GLYATL1: variants seen among roughly 807,000 people sequenced by gnomAD.
GLYATL1 encodes the protein glycine-N-acyltransferase like 1.
A neutral mutation model predicts 20.0 loss-of-function variants in GLYATL1; 15 were observed. The observed-to-expected ratio is 0.75, with a 90% CI of 0.50 to 1.15. The LOEUF (loss-of-function observed/expected upper bound fraction) is 1.15, where lower values mean the gene tolerates loss of function less well. Among genes scored for constraint, GLYATL1 ranks in the 50% most tolerant of loss-of-function variants. The probability of loss-of-function intolerance (pLI) is 0.00; values close to 1 mark genes in which losing one functional copy is unlikely to be tolerated. For missense variants in GLYATL1, 380 were observed against 368.5 expected (o/e 1.03, Z -0.26); for synonymous variants, 151 against 131.5 (o/e 1.15, Z -1.01).
At chr11:58,928,315 A>T (rs1565121506) in intron 1 of GLYATL1, 1 of 152,178 alleles carries the variant, frequency 6.6e-6, no homozygotes. Flanking sequence ...CCAATGACTT[A>T]CTAGTTACTC....
rs368419933 is a variant in GLYATL1 at position 58,955,313 on chromosome 11, A to G, written c.451A>G (p.Ser151Gly). Residue 151 changes from serine to glycine, a missense_variant, in exon 6 of 7, where the codon AGC becomes GGC. Physicochemically the swap from Ser to Gly is moderately conservative, Grantham distance 56. Coordinates refer to ENST00000532726, the MANE Select transcript of GLYATL1 (RefSeq NM_001389712.2). ...TGCCTCCAGTAAAAGCAAGCTTGGA[A>G]GCTGGGCTGAGACAGGCCACCCAGA... is the stretch of plus-strand genomic sequence containing the variant. Reference protein sequence around the residue: ...LNASSKSKLGSWAETGHPDDE... With the variant: ...LNASSKSKLGGWAETGHPDDE... The G allele has an allele frequency of 1.4e-5, 22 of 1,614,214 alleles. No homozygotes were observed. Among genetic ancestry groups the G allele is most frequent in the Non-Finnish European group, 1.7e-5 (20 of 1,180,026 alleles).
At chr11:58,940,487 T>A (rs1455845519) in intron 1 of GLYATL1, among the ~76,000 whole-genome samples, 1 of 152,208 alleles carries the variant, frequency 6.6e-6, no homozygotes, top group African/African-American at 2.4e-5. Flanking sequence ...TGTGTAGGCA[T>A]ATGTATTACG....
intron 3 of GLYATL1, 97 bp from the exon 4 acceptor site, chr11:58,947,761 A>G (rs893491185): frequency 1.2e-6 from 1 of 821,304 alleles, no homozygotes; most frequent in African/African-American, 1.7e-5. Context: ...TGGTCTCAGT[A>G]CCTTCTCTTA....
chr11:58,938,179 G>A (rs1855921717), upstream of GLYATL1, among the ~76,000 whole-genome samples: 7 of 152,194 alleles, frequency 4.6e-5, no homozygotes, highest in Admixed American at 4.6e-4. Context: ...TGGACTCTTG[G>A]CAGTGTGTAA....
At chr11:58,919,684 T>C (rs1479066278) in intron 1 of GLYATL1, among the ~76,000 whole-genome samples, 1 of 152,160 alleles carries the variant, frequency 6.6e-6, no homozygotes, top group Non-Finnish European at 1.5e-5. Flanking sequence ...CTGAAGCAGC[T>C]CATTAAAATC....
In GLYATL1 at chr11:58,955,866, C is replaced by A; in HGVS notation, c.748C>A (p.Arg250=). The A allele has an allele frequency of 6.2e-7, 1 of 1,614,126 alleles. No homozygotes were observed. The highest frequency in any genetic ancestry group is 8.5e-7 in the Non-Finnish European group (1 of 1,180,024). ...AGGCAACATGGCACGAGTGATGGTG[C>A]GATACATGAAATATCTGCGTCAGAA... The part of the protein sequence containing the change: ...RTGNMARVMV[R]YMKYLRQKNI... Residue 250 remains arginine (R), a synonymous_variant, in exon 7 of 7, where the codon CGA becomes AGA. Transcript: ENST00000532726.
chr11:58,927,997 T>A (rs995784400), intron 1 of GLYATL1, among the ~76,000 whole-genome samples: 1 of 152,198 alleles, frequency 6.6e-6, no homozygotes, highest in African/African-American at 2.4e-5. Flanking sequence ...AAGCTGTTAC[T>A]GGGACTTGCT....
rs564762148 is a variant in GLYATL1, at chr11:58,929,587, C to T, written c.-212+1758C>T. ...TTCTTTTTGGTATTGTACTCAATGC[C>T]CCCCAAATTATGATGTTTTTTTCTA... is the stretch of plus-strand genomic sequence containing the variant. On this transcript the variant is annotated intron_variant, in intron 1 of 7. Coordinates refer to the GLYATL1 transcript ENST00000317391. 3.6e-3 allele frequency among the ~76,000 whole-genome samples: 543 copies of T among 152,128 alleles called. 1 individual carries two copies. Among genetic ancestry groups the T allele is most frequent in the African/African-American group, 0.013 (522 of 41,466 alleles).
In GLYATL1 at chr11:58,951,161, G is replaced by C. The variant is rs549234835; in HGVS notation, c.186+3196G>C. Among the ~76,000 whole-genome samples, 6 of 151,928 alleles carry C rather than the reference G, an allele frequency of 3.9e-5. 1 individual carries two copies. The East Asian group carries it at 1.2e-3, about 29-fold the overall frequency. On this transcript the variant is annotated intron_variant, in intron 4 of 6. Transcript: ENST00000532726. ...GATCATACAACTGTTTTCTCATTTT[G>C]TCTTACAGTGAGTTAATTGTTACTT...
intron 4 of GLYATL1, among the ~76,000 whole-genome samples, chr11:58,953,073 A>G (rs149407248): frequency 1.3e-5 from 2 of 152,330 alleles, no homozygotes; most frequent in African/African-American, 2.4e-5. Context: ...CTTGATACAT[A>G]TATTTTTATG....
chr11:58,945,047 G>A (rs1257236190), intron 2 of GLYATL1, among the ~76,000 whole-genome samples: 3 of 144,538 alleles, frequency 2.1e-5, no homozygotes, highest in Non-Finnish European at 4.5e-5. Context: ...ATATATAGGG[G>A]TATATATATA....
chr11:58,917,137 T>C (rs1257420050), intron 1 of GLYATL1: 2 of 152,216 alleles, frequency 1.3e-5, no homozygotes, highest in Admixed American at 6.5e-5. Context: ...TTGATTCAGT[T>C]CTAGGAAGTG....
At position 58,947,962 on chromosome 11, in the gene GLYATL1, G is replaced by A. The variant is rs766625892; in HGVS notation, c.183G>A (p.Lys61=). 2.5e-6 allele frequency: 4 copies of A among 1,609,636 alleles called. No individual in the cohort carries two copies. In the South Asian group the frequency reaches 4.4e-5, roughly 18 times the overall value. ...EYQMVIIRPQ[K]QEMTDDMDSY... ...AGATGGTTATTATCCGGCCTCAAAAGCAGGTAGGCACACAGACAGGGACTG... is the reference window on the plus strand; with the variant it reads ...AGATGGTTATTATCCGGCCTCAAAAACAGGTAGGCACACAGACAGGGACTG... Residue 61 remains lysine, a synonymous_variant, in exon 4 of 7, where the codon AAG becomes AAA. Coordinates refer to ENST00000532726, the MANE Select transcript of GLYATL1 (RefSeq NM_001389712.2).
downstream of GLYATL1, among the ~76,000 whole-genome samples, chr11:58,911,779 A>T (rs1451469622): frequency 2.6e-5 from 4 of 152,254 alleles, no homozygotes; most frequent in Admixed American, 2.0e-4. Context: ...TTGTCTTTTC[A>T]TCCTCTTGGT....
At chr11:58,925,095 C>T (rs1343393648), upstream of GLYATL1, among the ~76,000 whole-genome samples, 1 of 152,038 alleles carries the variant, frequency 6.6e-6, no homozygotes, top group African/African-American at 2.4e-5. Flanking sequence ...TTTTTCTTTC[C>T]ATCCTTGGAT....
intron 1 of GLYATL1, among the ~76,000 whole-genome samples, chr11:58,921,607 T>C (rs1014146897): frequency 1.3e-5 from 2 of 152,192 alleles, no homozygotes; most frequent in Non-Finnish European, 2.9e-5. Flanking sequence ...GATTTCTCTT[T>C]AGCCTTGGCC....
downstream of GLYATL1, among the ~76,000 whole-genome samples, chr11:58,909,490 C>T (rs775820772): frequency 2.6e-5 from 4 of 152,150 alleles, no homozygotes; most frequent in Non-Finnish European, 4.4e-5. Context: ...TCTCCACACT[C>T]ATCAAGTTGC....
At chr11:58,908,972 T>A (rs1016235967), downstream of GLYATL1, among the ~76,000 whole-genome samples, 3 of 152,234 alleles carry the variant, frequency 2.0e-5, no homozygotes, top group African/African-American at 7.2e-5. Context: ...TTCCTTATAG[T>A]TGCAGAAATA....
chr11:58,914,552 C>T (rs1215109876), intron 1 of GLYATL1, among the ~76,000 whole-genome samples: 1 of 152,122 alleles, frequency 6.6e-6, no homozygotes, highest in Non-Finnish European at 1.5e-5. Flanking sequence ...CATGTTAGTA[C>T]TTACATCGCA....
Sources: gnomAD v4.1 joint callset for allele counts (sites outside exome capture counted in the v4.1 genomes callset) on GRCh38, gnomAD v4.1.1 for gene constraint, MANE v1.5 for transcripts, NCBI Gene and HGNC (gene_info 2026-07-23, HGNC 2026-07-21) for gene names.